The following CFAP61 variants were observed in gnomAD, a reference collection of about 807,000 sequenced individuals.
The protein encoded by CFAP61 is cilia- and flagella-associated protein 61.
Under a neutral mutation model 135.6 loss-of-function variants are expected in CFAP61, and 107 were observed. That is an observed-to-expected ratio of 0.79 (90% confidence interval 0.67 to 0.93). The LOEUF (loss-of-function observed/expected upper bound fraction) is 0.93, where lower values mean the gene tolerates loss of function less well. Ranked by LOEUF, CFAP61 falls within the 40% of genes least tolerant of loss-of-function variation. The pLI is 0.00. For missense variants in CFAP61, 1,507 were observed against 1,556.2 expected (o/e 0.97, Z 0.53); for synonymous variants, 575 against 578.5 (o/e 0.99, Z 0.09).
chr20:20,262,183 A>G (rs1265318397), intron 20 of CFAP61, among the ~76,000 whole-genome samples: 1 of 152,134 alleles, frequency 6.6e-6, no homozygotes, highest in African/African-American at 2.4e-5. Context: ...CCCCTCCTAC[A>G]TGAAGAGGTG....
At chr20:20,265,778 G>C (rs1382741858) in intron 21 of CFAP61, 3 of 299,210 alleles carry the variant, frequency 1.0e-5, no homozygotes, top group African/African-American at 6.5e-5. Flanking sequence ...CCCTTTTCAA[G>C]TAAATTCTCA....
At chr20:20,317,895 G>A (rs2057228584) in intron 25 of CFAP61, among the ~76,000 whole-genome samples, 1 of 152,212 alleles carries the variant, frequency 6.6e-6, no homozygotes. Flanking sequence ...TCTGCTCCTT[G>A]GCAGGCTTAA....
intron 20 of CFAP61, among the ~76,000 whole-genome samples, chr20:20,262,611 G>C (rs2052335130): frequency 6.6e-6 from 1 of 152,162 alleles, no homozygotes; most frequent in African/African-American, 2.4e-5. Flanking sequence ...TCCTAGCTGA[G>C]GCCCCAGACA....
At chr20:20,304,272 C>CTGTGTGTGTGTGTGTGTGTGTG (rs532157100) in intron 25 of CFAP61, among the ~76,000 whole-genome samples, 10 of 103,148 alleles carry the variant, frequency 9.7e-5, no homozygotes, top group Non-Finnish European at 1.6e-4. Flanking sequence ...CCATCGGTGA[C>CTGTGTGTGTGTGTGTGTGTGTG]TGTGTGTGTG....
rs758883932 is a variant in CFAP61, at chr20:20,341,922, G to A, written c.3513+1G>A. The A allele has an allele frequency of 1.9e-6, 3 of 1,600,982 alleles. No individual in the cohort carries two copies. The highest frequency in any genetic ancestry group is 2.2e-5 in the East Asian group (1 of 44,848). On this transcript the variant is annotated splice_donor_variant, in intron 26 of 26. Coordinates refer to ENST00000245957, the MANE Select transcript of CFAP61 (RefSeq NM_015585.4). LOFTEE classifies it high-confidence loss of function. ...ACGCCAAATCTTAGCCTCCAAGGAG[G>A]TAAGAGTGATTAATGGATATGTGGA...
chr20:20,109,883 C>T (rs1474531979), intron 8 of CFAP61, among the ~76,000 whole-genome samples: 1 of 151,218 alleles, frequency 6.6e-6, no homozygotes, highest in Non-Finnish European at 1.5e-5. Context: ...TCTTCCTATT[C>T]TAATTGTCTA....
At position 20,067,087 on chromosome 20, in the gene CFAP61, G is replaced by A. The variant is rs184559459; in HGVS notation, c.144-3767G>A. 8.3e-3 allele frequency among the ~76,000 whole-genome samples: 1,256 copies of A among 150,718 alleles called. 7 individuals carry two copies. Among genetic ancestry groups the A allele is most frequent in the Non-Finnish European group, 0.013 (888 of 67,784 alleles). The stretch of plus-strand genomic sequence containing the variant: ...TATTATAAAAAGTTTTATAACATCT[G>A]ACTCTTAAAAAAAAAAAAGAAAATA... On this transcript the variant is annotated intron_variant, in intron 2 of 26. Coordinates refer to ENST00000245957, the MANE Select transcript of CFAP61 (RefSeq NM_015585.4).
chr20:20,175,651 C>G (rs546030595), intron 13 of CFAP61, among the ~76,000 whole-genome samples: 2 of 152,002 alleles, frequency 1.3e-5, no homozygotes, highest in Admixed American at 1.3e-4. Context: ...CTCAGCCTCC[C>G]GAGTAGCTGG....
intron 8 of CFAP61, among the ~76,000 whole-genome samples, chr20:20,127,886 G>A (rs375216700): frequency 1.3e-5 from 2 of 151,532 alleles, no homozygotes; most frequent in East Asian, 3.9e-4. Context: ...GGAGATGGGG[G>A]TGAGGTTCCC....
chr20:20,177,704 A>C (rs1252424182), intron 13 of CFAP61, among the ~76,000 whole-genome samples: 1 of 150,392 alleles, frequency 6.6e-6, no homozygotes, highest in Non-Finnish European at 1.5e-5. Flanking sequence ...TGGTGGAGAA[A>C]GATGTAAAGG....
chr20:20,174,861 A>T, intron 13 of CFAP61, among the ~76,000 whole-genome samples: 1 of 152,242 alleles, frequency 6.6e-6, no homozygotes, highest in Non-Finnish European at 1.5e-5. Flanking sequence ...CTTAAAGAAG[A>T]CTCCATCACC....
At chr20:20,176,120 A>G (rs932896797) in intron 13 of CFAP61, among the ~76,000 whole-genome samples, 7 of 91,100 alleles carry the variant, frequency 7.7e-5, no homozygotes, top group Non-Finnish European at 1.4e-4. Flanking sequence ...ATCACTGATC[A>G]TTAGTGAAAT....
At chr20:20,343,451 T>G (rs529772606) in intron 26 of CFAP61, among the ~76,000 whole-genome samples, 3 of 152,302 alleles carry the variant, frequency 2.0e-5, no homozygotes, top group African/African-American at 7.2e-5. Context: ...AGTGGAGGGC[T>G]GGGTGGCTGA....
chr20:20,076,500 C>A (rs1187946822), intron 6 of CFAP61, among the ~76,000 whole-genome samples: 2 of 152,154 alleles, frequency 1.3e-5, no homozygotes, highest in Admixed American at 6.5e-5. Flanking sequence ...ATGACAGACC[C>A]CAAGTGAGGA....
chr20:20,151,151 A>T (rs568556017), intron 9 of CFAP61, among the ~76,000 whole-genome samples: 145 of 152,214 alleles, frequency 9.5e-4, no homozygotes, highest in South Asian at 1.9e-3. Flanking sequence ...GAAATTTTTT[A>T]AAAAAATACA....
At chr20:20,336,438 T>C (rs1368485910) in intron 25 of CFAP61, among the ~76,000 whole-genome samples, 3 of 152,136 alleles carry the variant, frequency 2.0e-5, no homozygotes, top group South Asian at 4.2e-4. Flanking sequence ...CTGGGCAACA[T>C]GGCAAGACCC....
intron 6 of CFAP61, among the ~76,000 whole-genome samples, chr20:20,086,872 G>A (rs1305311871): frequency 6.6e-6 from 1 of 152,166 alleles, no homozygotes; most frequent in Non-Finnish European, 1.5e-5. Flanking sequence ...TCCTGGGAAG[G>A]GAAGTTGGGA....
At chr20:20,260,915 A>G (rs145944332) in intron 20 of CFAP61, among the ~76,000 whole-genome samples, 243 of 152,328 alleles carry the variant, frequency 1.6e-3, no homozygotes, top group African/African-American at 5.7e-3. Flanking sequence ...CACAGTATTC[A>G]GTATTGTGCA....
intron 21 of CFAP61, among the ~76,000 whole-genome samples, chr20:20,273,041 ATTTTTTTTTTTT>A (rs998055743): frequency 7.9e-6 from 1 of 127,358 alleles, no homozygotes; most frequent in African/African-American, 3.0e-5. Flanking sequence ...GCCATGCTTA[ATTTTTTTTTTTT>A]TTTTTTTTGT....
Sources: allele counts gnomAD v4.1 joint callset (sites outside exome capture counted in the v4.1 genomes callset), GRCh38; gene constraint gnomAD v4.1.1; transcripts MANE v1.5; gene names NCBI Gene and HGNC (gene_info 2026-07-23, HGNC 2026-07-21).